Variants in FILIP1L observed in about 807,000 individuals in gnomAD.
The protein encoded by FILIP1L is filamin A-interacting protein 1-like.
FILIP1L carries 55 observed loss-of-function variants against 96.6 expected under a neutral mutation model. That is an observed-to-expected ratio of 0.57 (90% CI 0.46 to 0.71). The LOEUF is 0.71. Ranked by LOEUF, FILIP1L falls within the 30% of genes least tolerant of loss-of-function variation. The pLI is 0.00. For missense variants in FILIP1L, 1,304 were observed against 1,321.2 expected (o/e 0.99, Z 0.20); for synonymous variants, 467 against 473.9 (o/e 0.99, Z 0.19).
chr3:100,089,075 G>C (rs538395966), intron 1 of FILIP1L, among the ~76,000 whole-genome samples: 12 of 152,282 alleles, frequency 7.9e-5, no homozygotes, highest in Non-Finnish European at 1.6e-4. Flanking sequence ...GAAGGCATCA[G>C]TGAGGATCAT....
Position 99,910,023 on chromosome 3 carries a change from A to G in FILIP1L, c.605+14207T>C, listed in dbSNP as rs574022519. Among the ~76,000 whole-genome samples the G allele has an allele frequency of 2.7e-4, 24 of 88,104 alleles. 6 individuals are homozygous for G. The highest frequency in any genetic ancestry group is 7.3e-4 in the African/African-American group (24 of 32,722). The allele number at this position is 88,104 out of a possible 152,430, so 57.8% of individuals were successfully genotyped here. On this transcript the variant is annotated intron_variant, in intron 4 of 5. Coordinates refer to ENST00000477258, the MANE Select transcript of FILIP1L (RefSeq NM_001387850.1). The stretch of plus-strand genomic sequence containing the variant: ...GAAATTTTGTTTAAGAATAAGGCTG[A>G]TTACTTAACAGTGAAGGGCTTCAGT...
intron 4 of FILIP1L, among the ~76,000 whole-genome samples, chr3:99,852,357 GTTAA>G (rs1351755098): frequency 2.0e-5 from 3 of 152,166 alleles, no homozygotes; most frequent in Non-Finnish European, 4.4e-5. Flanking sequence ...TTAGGAATGA[GTTAA>G]TTATCAAATG....
At chr3:99,871,770 A>G (rs1944799265) in intron 4 of FILIP1L, among the ~76,000 whole-genome samples, 1 of 152,218 alleles carries the variant, frequency 6.6e-6, no homozygotes, top group African/African-American at 2.4e-5. Flanking sequence ...TTGACCACAG[A>G]GTACACAGTC....
intron 1 of FILIP1L, among the ~76,000 whole-genome samples, chr3:99,991,920 A>G (rs1274201808): frequency 6.7e-6 from 1 of 149,314 alleles, no homozygotes; most frequent in African/African-American, 2.5e-5. Flanking sequence ...ATATAGGTAT[A>G]TATACACACA....
intron 1 of FILIP1L, among the ~76,000 whole-genome samples, chr3:100,060,552 A>G (rs2065545584): frequency 1.3e-5 from 2 of 151,986 alleles, no homozygotes; most frequent in Admixed American, 1.3e-4. Flanking sequence ...AGTAAAAACC[A>G]CCACTTAAGA....
chr3:99,931,013 G>C lies in FILIP1L; in HGVS notation c.8C>G (p.Ser3Cys). The change falls in exon 2 of 6, where the codon TCC becomes TGC. Residue 3 changes from serine to cysteine, a missense_variant. Ser to Cys is a moderately radical substitution (Grantham distance 112, BLOSUM62 -1). Coordinates refer to ENST00000477258, the MANE Select transcript of FILIP1L (RefSeq NM_001387850.1). The part of the protein sequence containing the change: MR[S>C]RGSDTEGSAQ... ...TGAGCCCTCGGTATCACTGCCTCTG[G>C]AACGCATTCTTTAAAGCCTGGAAGG... The C allele has an allele frequency of 6.2e-7, 1 of 1,613,302 alleles. No individual in the cohort carries two copies. The highest frequency in any genetic ancestry group is 8.5e-7 in the Non-Finnish European group (1 of 1,179,778).
intron 1 of FILIP1L, among the ~76,000 whole-genome samples, chr3:100,042,300 A>AT (rs971083526): frequency 5.2e-4 from 79 of 151,658 alleles, no homozygotes; most frequent in Non-Finnish European, 7.2e-4. Flanking sequence ...TATAAACTTG[A>AT]TTTTTTTTTG....
Position 99,848,926 on chromosome 3 carries a change from A to T in FILIP1L, c.2750T>A (p.Leu917His). Residue 917 changes from leucine to histidine, a missense_variant, in exon 5 of 6, where the codon CTT (leucine) becomes CAT (histidine). Physicochemically the swap from Leu to His is moderately conservative, Grantham distance 99. Transcript: ENST00000477258. ...CTCTGTGGTTGGACTTGTGATTTCA[A>T]GAGTGGCTGTGTTTTGTACATGGTC... Reference protein sequence around the residue: ...TPDHVQNTATLEITSPTTESP... With the variant: ...TPDHVQNTATHEITSPTTESP... The T allele has an allele frequency of 1.2e-6, 2 of 1,614,106 alleles. No individual in the cohort carries two copies. Among genetic ancestry groups the T allele is most frequent in the Non-Finnish European group, 1.7e-6 (2 of 1,179,994 alleles).
intron 1 of FILIP1L, among the ~76,000 whole-genome samples, chr3:100,069,824 A>G (rs1419500906): frequency 6.6e-6 from 1 of 152,118 alleles, no homozygotes; most frequent in Non-Finnish European, 1.5e-5. Flanking sequence ...AAGCAGAAAT[A>G]TTTGCCCTAC....
chr3:100,105,364 C>T (rs925584191), intron 1 of FILIP1L, among the ~76,000 whole-genome samples: 1 of 152,178 alleles, frequency 6.6e-6, no homozygotes, highest in African/African-American at 2.4e-5. Flanking sequence ...TTTTTAGACA[C>T]ATATTTCTCA....
At position 99,850,820 on chromosome 3, in the gene FILIP1L, G is replaced by A. The variant is rs2107528497; in HGVS notation, c.856C>T (p.Gln286Ter). 6.2e-7 allele frequency: 1 copy of A among 1,614,130 alleles called. No individual in the cohort carries two copies. Among genetic ancestry groups the A allele is most frequent in the Admixed American group, 1.7e-5 (1 of 60,020 alleles). Residue 286 changes from glutamine to a stop codon, truncating the protein, a stop_gained, in exon 5 of 6, where the codon CAG (glutamine) becomes TAG (stop). Coordinates refer to ENST00000477258, the MANE Select transcript of FILIP1L (RefSeq NM_001387850.1). LOFTEE classifies it high-confidence loss of function. ...TCCTTCTCTAGTCTGGTTGCCTTCTGCTCTTCCTCCTGAACTCTGGCTTCA... is the reference window on the plus strand; with the variant it reads ...TCCTTCTCTAGTCTGGTTGCCTTCTACTCTTCCTCCTGAACTCTGGCTTCA... ...LAEARVQEEE[Q>*]KATRLEKELQ...
At chr3:100,091,484 G>A (rs1313736265) in intron 1 of FILIP1L, among the ~76,000 whole-genome samples, 2 of 152,170 alleles carry the variant, frequency 1.3e-5, no homozygotes, top group Non-Finnish European at 2.9e-5. Context: ...CAGTTTTAAA[G>A]ATGCATGCTG....
chr3:99,927,271 A>G (rs1052998753), intron 3 of FILIP1L, among the ~76,000 whole-genome samples: 1 of 152,194 alleles, frequency 6.6e-6, no homozygotes, highest in Non-Finnish European at 1.5e-5. Flanking sequence ...CCATTGCTTA[A>G]GGTAAGTATT....
At chr3:100,068,731 G>A (rs186308432) in intron 1 of FILIP1L, among the ~76,000 whole-genome samples, 121 of 152,250 alleles carry the variant, frequency 7.9e-4, no homozygotes, top group Admixed American at 1.8e-3. Context: ...AGGTTCAAGC[G>A]ATTTTCCTGC....
chr3:100,045,514 C>G (rs932538152), intron 1 of FILIP1L, among the ~76,000 whole-genome samples: 11 of 152,006 alleles, frequency 7.2e-5, no homozygotes, highest in Admixed American at 7.2e-4. Context: ...TCCCAGGCAT[C>G]CCTCCTCTCG....
intron 1 of FILIP1L, among the ~76,000 whole-genome samples, chr3:100,002,932 A>G (rs1288450389): frequency 6.6e-6 from 1 of 152,214 alleles, no homozygotes; most frequent in Non-Finnish European, 1.5e-5. Flanking sequence ...GCTGTCTGCA[A>G]ATCAGACATT....
intron 1 of FILIP1L, among the ~76,000 whole-genome samples, chr3:100,016,679 A>G (rs183049192): frequency 1.1e-3 from 166 of 152,348 alleles, no homozygotes; most frequent in African/African-American, 3.8e-3. Flanking sequence ...TGTAAAGTCC[A>G]TGCAATTCAT....
At chr3:100,088,926 C>T (rs915975119) in intron 1 of FILIP1L, among the ~76,000 whole-genome samples, 1 of 151,982 alleles carries the variant, frequency 6.6e-6, no homozygotes, top group South Asian at 2.1e-4. Flanking sequence ...CCTTCTGACT[C>T]AGAAATTTTT....
chr3:99,997,883 G>A (rs1709728993), intron 1 of FILIP1L, among the ~76,000 whole-genome samples: 3 of 152,146 alleles, frequency 2.0e-5, no homozygotes, highest in South Asian at 2.1e-4. Flanking sequence ...GTAAACTAAA[G>A]TATAATGCAT....
Sources: gnomAD v4.1 joint callset for allele counts (sites outside exome capture counted in the v4.1 genomes callset) on GRCh38, gnomAD v4.1.1 for gene constraint, MANE v1.5 for transcripts, NCBI Gene and HGNC (gene_info 2026-07-23, HGNC 2026-07-21) for gene names.